The following RARB variants were observed in gnomAD, a reference collection of about 807,000 sequenced individuals.
RARB encodes the protein HBV-activated protein.
RARB carries 17 observed loss-of-function variants against 51.9 expected under a neutral mutation model. That is an observed-to-expected ratio of 0.33 (90% CI 0.22 to 0.49). RARB has a LOEUF of 0.49. Among genes scored for constraint, RARB ranks in the 20% least tolerant of loss-of-function variants. The probability of loss-of-function intolerance (pLI) is 0.99; values close to 1 mark genes in which losing one functional copy is unlikely to be tolerated. For synonymous variants in RARB, 215 were observed against 195.4 expected (o/e 1.10, Z -0.84); for missense variants, 369 against 550.8 (o/e 0.67, Z 3.30).
intron 2 of RARB, among the ~76,000 whole-genome samples, chr3:24,886,462 T>TG (rs1190268899): frequency 6.6e-6 from 1 of 151,548 alleles, no homozygotes; most frequent in Non-Finnish European, 1.5e-5. Flanking sequence ...TTTTTTTTTT[T>TG]GAGACAGGAT....
intron 5 of RARB, among the ~76,000 whole-genome samples, chr3:25,180,865 A>G (rs927295187): frequency 3.9e-5 from 6 of 152,184 alleles, no homozygotes; most frequent in African/African-American, 1.4e-4. Context: ...AGACCAACCA[A>G]TGGTCAGGTG....
At chr3:25,099,632 A>C (rs1423457687) in intron 3 of RARB, among the ~76,000 whole-genome samples, 1 of 152,088 alleles carries the variant, frequency 6.6e-6, no homozygotes, top group Admixed American at 6.6e-5. Flanking sequence ...AAAAAAAAAA[A>C]AAACTTTCAT....
At chr3:25,319,470 C>A (rs1177538853) in intron 5 of RARB, among the ~76,000 whole-genome samples, 1 of 152,152 alleles carries the variant, frequency 6.6e-6, no homozygotes, top group African/African-American at 2.4e-5. Flanking sequence ...GTCATCAATT[C>A]TCCTTCTCAA....
intron 3 of RARB, among the ~76,000 whole-genome samples, chr3:25,123,810 T>C (rs1225009082): frequency 6.6e-6 from 1 of 152,138 alleles, no homozygotes; most frequent in Non-Finnish European, 1.5e-5. Context: ...TGCTTTTTCC[T>C]CTCCCTCATC....
At chr3:25,132,352 T>G (rs1470003667) in intron 4 of RARB, among the ~76,000 whole-genome samples, 11 of 151,936 alleles carry the variant, frequency 7.2e-5, no homozygotes, top group Non-Finnish European at 1.6e-4. Context: ...ATTATTGCAT[T>G]TGAACATCAC....
intron 5 of RARB, among the ~76,000 whole-genome samples, chr3:25,179,720 G>A (rs1056906426): frequency 6.6e-5 from 10 of 152,192 alleles, no homozygotes; most frequent in Non-Finnish European, 1.0e-4. Flanking sequence ...ACTTTCTTAG[G>A]CCCAGAGTCA....
intron 2 of RARB, among the ~76,000 whole-genome samples, chr3:25,493,227 C>G (rs1696835123): frequency 6.6e-6 from 1 of 152,082 alleles, no homozygotes. Flanking sequence ...TCCCTCTCAC[C>G]CATTGTCTTT....
Position 25,494,228 on chromosome 3 carries a change from GC to G in RARB, c.307-6949del, listed in dbSNP as rs1252995000. ...AAGATCTTCCCCAGTTTAAACATTA[GC>G]CCCCTTTTCCAGCTGTATCTTACGC... On this transcript the variant is annotated intron_variant, in intron 2 of 7. Transcript: ENST00000330688. Among the ~76,000 whole-genome samples, 8 of 62,342 alleles carry G rather than the reference GC, an allele frequency of 1.3e-4. No homozygotes were observed. In the East Asian group the frequency reaches 4.0e-3, roughly 31 times the overall value. 40.9% of individuals were successfully genotyped at this position (62,342 alleles called of 152,430 possible). A position where few individuals can be genotyped will look rare whatever the true frequency, so the allele number is the denominator to read the frequency against.
At chr3:25,051,498 A>G (rs1257299095) in intron 2 of RARB, among the ~76,000 whole-genome samples, 1 of 152,166 alleles carries the variant, frequency 6.6e-6, no homozygotes, top group Admixed American at 6.5e-5. Flanking sequence ...GAATAAGATT[A>G]TTTGCAAAGA....
chr3:25,197,948 G>A (rs1166053908), intron 5 of RARB, among the ~76,000 whole-genome samples: 1 of 151,810 alleles, frequency 6.6e-6, no homozygotes, highest in African/African-American at 2.4e-5. Flanking sequence ...AATGTATATG[G>A]GACCACAAAA....
intron 4 of RARB, among the ~76,000 whole-genome samples, chr3:25,168,564 A>C (rs539112361): frequency 6.6e-6 from 1 of 152,242 alleles, no homozygotes; most frequent in Non-Finnish European, 1.5e-5. Context: ...ATCAGAAAAT[A>C]CGTGGCAGTC....
At chr3:25,176,357 C>CTTT (rs1700750512) in intron 5 of RARB, among the ~76,000 whole-genome samples, 112 of 96,652 alleles carry the variant, frequency 1.2e-3, no homozygotes, top group African/African-American at 3.4e-3. Context: ...TTCCTTCCTT[C>CTTT]CTTCCTTCCT....
intron 5 of RARB, among the ~76,000 whole-genome samples, chr3:25,194,791 A>T (rs537466163): frequency 6.6e-6 from 1 of 152,046 alleles, no homozygotes; most frequent in African/African-American, 2.4e-5. Flanking sequence ...TTTAAAAAAG[A>T]CTGTGGAATT....
rs1408283732 is a variant in RARB, at chr3:25,597,199, G to GGAAGCTTGT, written c.*584_*592dup. The GGAAGCTTGT allele has an allele frequency of 6.6e-6, 1 of 152,614 alleles. No homozygotes were observed. Among genetic ancestry groups the GGAAGCTTGT allele is most frequent in the Non-Finnish European group, 1.5e-5 (1 of 68,034 alleles). 9.5% of individuals were successfully genotyped at this position (152,614 alleles called of 1,614,324 possible). A position where few individuals can be genotyped will look rare whatever the true frequency, so the allele number is the denominator to read the frequency against. On this transcript the variant is annotated 3_prime_UTR_variant, in exon 8 of 8. Transcript: ENST00000330688. Reference sequence around the variant, plus strand: ...GAAGATATTCTACTTTAGTTAGTATGGAAGCTTGTCTTTGCTCTTTCTGAT... The same window carrying GGAAGCTTGT: ...GAAGATATTCTACTTTAGTTAGTATGGAAGCTTGTGAAGCTTGTCTTTGCTCTTTCTGAT...
chr3:25,335,687 AC>A (rs746431053), intron 5 of RARB, among the ~76,000 whole-genome samples: 15 of 152,150 alleles, frequency 9.9e-5, no homozygotes, highest in Non-Finnish European at 1.9e-4. Context: ...AGACCAAATA[AC>A]CCAACCAAAT....
At chr3:25,482,521 A>ATTTTTTTTTTTTTTTTTTTTT (rs71087718) in intron 2 of RARB, among the ~76,000 whole-genome samples, 1 of 65,752 alleles carries the variant, frequency 1.5e-5, no homozygotes, top group African/African-American at 7.0e-5. Flanking sequence ...TAGCAGCCAA[A>ATTTTTTTTTTTTTTTTTTTTT]TTTTTTTTTT....
intron 3 of RARB, among the ~76,000 whole-genome samples, chr3:25,086,319 G>A (rs1447753795): frequency 6.6e-6 from 1 of 152,156 alleles, no homozygotes; most frequent in Non-Finnish European, 1.5e-5. Context: ...AACTTCAGAT[G>A]TTCAATACAT....
Position 24,966,176 on chromosome 3 carries a change from T to A in RARB, c.-379-93949T>A, listed in dbSNP as rs567082837. On this transcript the variant is annotated intron_variant, in intron 2 of 11. Coordinates refer to the RARB transcript ENST00000383772. ...ACCTTTGGCATTTTTACTACTTGAT[T>A]GTAGAGACATTCCAAAGGAGAGAGT... Among the ~76,000 whole-genome samples, 4 of 152,108 alleles carry A rather than the reference T, an allele frequency of 2.6e-5. No individual in the cohort carries two copies. The East Asian group carries it at 5.8e-4, about 22-fold the overall frequency.
chr3:25,070,247 GTGT>G (rs1698742108), intron 3 of RARB, among the ~76,000 whole-genome samples: 1 of 152,124 alleles, frequency 6.6e-6, no homozygotes, highest in Non-Finnish European at 1.5e-5. Context: ...CCCTACTCCA[GTGT>G]TATCTCATCT....
Sources: allele counts gnomAD v4.1 joint callset (sites outside exome capture counted in the v4.1 genomes callset), GRCh38; gene constraint gnomAD v4.1.1; transcripts MANE v1.5; gene names NCBI Gene and HGNC (gene_info 2026-07-23, HGNC 2026-07-21).